The following FAM153A variants were observed in gnomAD, a reference collection of about 807,000 sequenced individuals.
FAM153A encodes family with sequence similarity 153 member A, also known as protein FAM153A.
A neutral mutation model predicts 48.1 loss-of-function variants in FAM153A; 12 were observed. That is an observed-to-expected ratio of 0.25 (90% CI 0.16 to 0.40). FAM153A has a LOEUF of 0.40. FAM153A is among the 10% of genes least tolerant of loss of function. FAM153A has a pLI of 1.00. For synonymous variants in FAM153A, 36 were observed against 118.2 expected (o/e 0.30, Z 4.51); for missense variants, 111 against 345.8 (o/e 0.32, Z 5.38).
intron 25 of FAM153A, among the ~76,000 whole-genome samples, chr5:177,715,390 G>A (rs1231321376): frequency 5.3e-5 from 8 of 150,958 alleles, no homozygotes; most frequent in Non-Finnish European, 1.0e-4. Flanking sequence ...AGATAAGAAA[G>A]CTACTGATCT....
At chr5:177,772,444 T>C (rs1769165188) in intron 1 of FAM153A, among the ~76,000 whole-genome samples, 1 of 56,654 alleles carries the variant, frequency 1.8e-5, no homozygotes, top group Non-Finnish European at 3.4e-5. Context: ...TTGCCTCACC[T>C]GGGAAGCGCA....
intron 1 of FAM153A, among the ~76,000 whole-genome samples, chr5:177,760,917 A>C (rs1466892084): frequency 2.7e-5 from 4 of 148,668 alleles, no homozygotes; most frequent in Non-Finnish European, 5.9e-5. Flanking sequence ...ATACCCCCAA[A>C]TGCTGGTAGA....
chr5:177,738,156 G>A (rs537476358), intron 10 of FAM153A, among the ~76,000 whole-genome samples: 11 of 151,410 alleles, frequency 7.3e-5, no homozygotes, highest in Admixed American at 2.0e-4. Flanking sequence ...GAGAAGATGA[G>A]CACCAGGATA....
chr5:177,705,301 C>A (rs1275792822), downstream of FAM153A, among the ~76,000 whole-genome samples: 1 of 151,348 alleles, frequency 6.6e-6, no homozygotes, highest in East Asian at 1.9e-4. Context: ...GAGACTCCGT[C>A]TCAAACAAAC....
the FAM153A span, among the ~76,000 whole-genome samples, chr5:177,694,933 T>A: frequency 2.6e-5 from 4 of 152,058 alleles, no homozygotes; most frequent in Admixed American, 6.5e-5. Context: ...TTAGGTTTTT[T>A]ATTTTTTTGG....
chr5:177,781,264 ATTTTTTT>A (rs1303137176), upstream of FAM153A, among the ~76,000 whole-genome samples: 70 of 75,232 alleles, frequency 9.3e-4, no homozygotes, highest in African/African-American at 3.5e-3. Context: ...ACGCCCGGCT[ATTTTTTT>A]TTTTTTTTTT....
At chr5:177,736,305 T>A (rs1764650546) in intron 12 of FAM153A, among the ~76,000 whole-genome samples, 1 of 148,718 alleles carries the variant, frequency 6.7e-6, no homozygotes, top group African/African-American at 2.5e-5. Flanking sequence ...CCCAAAGACA[T>A]CCACAATCAT....
chr5:177,709,151 T>C (rs995561770), downstream of FAM153A, among the ~76,000 whole-genome samples: 11 of 139,960 alleles, frequency 7.9e-5, 1 homozygote, highest in African/African-American at 3.0e-4. Context: ...AGCCTAGTTT[T>C]GTCACTCAAG....
rs1370426363 is a variant in FAM153A, at chr5:177,729,374, C to A, written c.933+111G>T. On this transcript the variant is annotated intron_variant, in intron 17 of 20. Transcript: ENST00000614127. Reference sequence around the variant, plus strand: ...TCTGGCATTTGCCCACCAAGAAATTCTGTCAGTCACCTATAGTGTGTATGG... The same window carrying A: ...TCTGGCATTTGCCCACCAAGAAATTATGTCAGTCACCTATAGTGTGTATGG... 59 of 1,250,992 alleles carry A rather than the reference C, an allele frequency of 4.7e-5. 13 individuals are homozygous for A. The highest frequency in any genetic ancestry group is 6.0e-5 in the Non-Finnish European group (56 of 932,446). The allele number at this position is 1,250,992 out of a possible 1,614,324, so 77.5% of individuals were successfully genotyped here.
chr5:177,701,911 CTTTTT>C, the FAM153A span, among the ~76,000 whole-genome samples: 1 of 144,490 alleles, frequency 6.9e-6, no homozygotes, highest in African/African-American at 2.6e-5. Context: ...GCAAAGGTCA[CTTTTT>C]TTTTTTTTTG....
chr5:177,697,325 GTA>G, the FAM153A span, among the ~76,000 whole-genome samples: 1 of 151,868 alleles, frequency 6.6e-6, no homozygotes, highest in South Asian at 2.1e-4. Context: ...CTGGAATTAC[GTA>G]TATCCTACTG....
the FAM153A span, among the ~76,000 whole-genome samples, chr5:177,700,346 C>G: frequency 1.3e-5 from 2 of 151,678 alleles, no homozygotes; most frequent in African/African-American, 4.9e-5. Flanking sequence ...ACCAGACAGG[C>G]TAGAAAAAGT....
chr5:177,716,045 G>A (rs1424751009), intron 25 of FAM153A, among the ~76,000 whole-genome samples: 7 of 149,834 alleles, frequency 4.7e-5, no homozygotes, highest in African/African-American at 7.5e-5. Flanking sequence ...GTGCAGTGGC[G>A]CAATCTTAGC....
At chr5:177,716,719 C>G (rs934896487) in intron 24 of FAM153A, among the ~76,000 whole-genome samples, 2 of 151,782 alleles carry the variant, frequency 1.3e-5, no homozygotes, top group African/African-American at 2.4e-5. Flanking sequence ...AATTAAATGG[C>G]CACAGATTGA....
At chr5:177,702,830 C>T in the FAM153A span, among the ~76,000 whole-genome samples, 1 of 151,872 alleles carries the variant, frequency 6.6e-6, no homozygotes, top group South Asian at 2.1e-4. Context: ...GTTCAGAGTG[C>T]AAGAGTTGAG....
At chr5:177,782,910 A>T (rs71601382), upstream of FAM153A, 1 of 76,102 alleles carries the variant, frequency 1.3e-5, no homozygotes, top group Admixed American at 1.4e-4. Context: ...TGGGCTGGCC[A>T]GGGCTGCCCC....
At chr5:177,708,988 G>T (rs529877003), downstream of FAM153A, among the ~76,000 whole-genome samples, 3 of 149,854 alleles carry the variant, frequency 2.0e-5, no homozygotes, top group Non-Finnish European at 4.4e-5. Flanking sequence ...CCAGCGACTC[G>T]GGAGGCTGGG....
At chr5:177,781,704 G>A (rs1279054023), upstream of FAM153A, 9 of 95,670 alleles carry the variant, frequency 9.4e-5, 4 homozygotes, top group Non-Finnish European at 1.8e-4. Flanking sequence ...ATGACTCACG[G>A]TTTTTTGTTT....
intron 1 of FAM153A, among the ~76,000 whole-genome samples, chr5:177,766,225 A>G (rs1375420740): frequency 9.4e-6 from 1 of 105,892 alleles, no homozygotes; most frequent in Non-Finnish European, 2.1e-5. Context: ...CCTTTCTGCC[A>G]CTTCCTATAT....
Sources: allele counts gnomAD v4.1 joint callset (sites outside exome capture counted in the v4.1 genomes callset), GRCh38; gene constraint gnomAD v4.1.1; transcripts MANE v1.5; gene names NCBI Gene and HGNC (gene_info 2026-07-23, HGNC 2026-07-21).